TTC39B: variants seen among roughly 807,000 people sequenced by gnomAD.
TTC39B encodes the protein tetratricopeptide repeat domain 39B, also known as tetratricopeptide repeat protein 39B.
In TTC39B, 92 loss-of-function variants were observed where a neutral mutation model predicts 96.6. That is an observed-to-expected ratio of 0.95 (90% CI 0.80 to 1.13). TTC39B has a LOEUF of 1.13. Ranked by LOEUF, TTC39B falls within the 50% of genes most tolerant of loss-of-function variation. The probability of loss-of-function intolerance (pLI) is 0.00; values close to 1 mark genes in which losing one functional copy is unlikely to be tolerated. For synonymous variants in TTC39B, 367 were observed against 299.4 expected, an observed-to-expected ratio of 1.23 and a Z score of -2.33; for missense variants, 955 against 809.3, an observed-to-expected ratio of 1.18 and a Z score of -2.18.
intron 2 of TTC39B, among the ~76,000 whole-genome samples, chr9:15,254,820 T>A (rs978498749): frequency 3.5e-5 from 5 of 141,182 alleles, no homozygotes; most frequent in Non-Finnish European, 7.5e-5. Context: ...CTGACACACA[T>A]AACTTTATAC....
At chr9:15,251,761 C>T (rs1362205760) in intron 2 of TTC39B, among the ~76,000 whole-genome samples, 3 of 132,532 alleles carry the variant, frequency 2.3e-5, no homozygotes, top group African/African-American at 8.0e-5. Flanking sequence ...GGGGACAAGA[C>T]AGCTAAATGT....
At chr9:15,301,301 A>G (rs1309592167) in intron 1 of TTC39B, among the ~76,000 whole-genome samples, 1 of 152,104 alleles carries the variant, frequency 6.6e-6, no homozygotes, top group African/African-American at 2.4e-5. Flanking sequence ...CCTAAAACCT[A>G]CCCTAACCCA....
chr9:15,293,734 A>G (rs1824273254), intron 1 of TTC39B, among the ~76,000 whole-genome samples: 1 of 152,210 alleles, frequency 6.6e-6, no homozygotes, highest in Admixed American at 6.5e-5. Context: ...CTCCTTACAT[A>G]TTTTAAGTTT....
chr9:15,164,480 G>A (rs1324925524), exon 20 of TTC39B: 3 of 151,988 alleles, frequency 2.0e-5, no homozygotes, highest in Non-Finnish European at 4.4e-5. Flanking sequence ...CCACAAGACA[G>A]GTTTATTTTG....
At chr9:15,171,056 G>A (rs1435879911) in exon 20 of TTC39B, 1 of 152,170 alleles carries the variant, frequency 6.6e-6, no homozygotes, top group Non-Finnish European at 1.5e-5. Flanking sequence ...CATATGGAGT[G>A]TCAAGCTCTC....
chr9:15,175,577 T>C lies in TTC39B; in HGVS notation c.1842-442A>G, dbSNP rs544198894. ...AATAAAGAAATGGTCAACACTTCTGTTTTCAGCACTATTAGGAGAACTCTC... is the reference window on the plus strand; with the variant it reads ...AATAAAGAAATGGTCAACACTTCTGCTTTCAGCACTATTAGGAGAACTCTC... On this transcript the variant is annotated intron_variant, in intron 18 of 19. Transcript: ENST00000512701. Among the ~76,000 whole-genome samples the C allele has an allele frequency of 4.6e-5, 7 of 152,270 alleles. No homozygotes were observed. In the East Asian group the frequency reaches 7.7e-4, roughly 17 times the overall value.
intron 16 of TTC39B, 67 bp downstream of exon 16, chr9:15,185,213 T>C: frequency 6.6e-7 from 1 of 1,518,964 alleles, no homozygotes; most frequent in Non-Finnish European, 8.8e-7. Flanking sequence ...CAAATTTAGA[T>C]ATGCTCCCTG....
chr9:15,234,070 C>T lies in TTC39B; in HGVS notation c.276-8058G>A, dbSNP rs1223211516. Among the ~76,000 whole-genome samples the T allele has an allele frequency of 2.7e-5, 4 of 149,722 alleles. No homozygotes were observed. In the East Asian group the frequency reaches 7.9e-4, roughly 30 times the overall value. On this transcript the variant is annotated intron_variant, in intron 2 of 19. Transcript: ENST00000512701. The stretch of plus-strand genomic sequence containing the variant: ...GCCCCGTCTGGGATGTGAGGAGCGC[C>T]TCTGCCCGGCCGCGACCCCATCTGG...
intron 17 of TTC39B, 43 bp from the exon 18 acceptor site, chr9:15,177,857 A>G: frequency 2.5e-6 from 3 of 1,190,422 alleles, no homozygotes; most frequent in East Asian, 2.5e-5. Context: ...AAAGAAAAAT[A>G]CTTTTTAAGA....
exon 20 of TTC39B, chr9:15,166,956 G>A (rs1321450983): frequency 9.5e-6 from 1 of 105,160 alleles, no homozygotes; most frequent in Non-Finnish European, 1.8e-5. Context: ...CTCTAAATGG[G>A]TAACATGTGT....
chr9:15,219,047 C>T (rs993367260), intron 3 of TTC39B, among the ~76,000 whole-genome samples: 9 of 152,212 alleles, frequency 5.9e-5, no homozygotes, highest in African/African-American at 1.9e-4. Flanking sequence ...ATTACTTTTA[C>T]AATGAAAAAC....
intron 14 of TTC39B, 123 bp downstream of exon 14, chr9:15,187,848 T>C: frequency 1.9e-6 from 2 of 1,040,224 alleles, no homozygotes; most frequent in Non-Finnish European, 2.7e-6. Flanking sequence ...TTTCCTCCTT[T>C]TGTGGATCTC....
chr9:15,273,250 C>A (rs1186293600), intron 1 of TTC39B, among the ~76,000 whole-genome samples: 1 of 152,170 alleles, frequency 6.6e-6, no homozygotes, highest in African/African-American at 2.4e-5. Context: ...TGTCAATACT[C>A]TCCATTAACT....
intron 1 of TTC39B, among the ~76,000 whole-genome samples, chr9:15,288,798 G>A (rs1333514514): frequency 1.3e-5 from 2 of 152,212 alleles, no homozygotes; most frequent in East Asian, 1.9e-4. Context: ...CCGTGAGGCC[G>A]GAGCCCAGGG....
intron 9 of TTC39B, among the ~76,000 whole-genome samples, chr9:15,192,342 C>G (rs1277592622): frequency 6.6e-6 from 1 of 152,070 alleles, no homozygotes; most frequent in East Asian, 1.9e-4. Context: ...TCCTTGTTAC[C>G]AAAAACCTTA....
At chr9:15,238,006 C>G (rs1204152461) in intron 2 of TTC39B, among the ~76,000 whole-genome samples, 2 of 152,058 alleles carry the variant, frequency 1.3e-5, no homozygotes, top group Admixed American at 6.6e-5. Flanking sequence ...AAACTAAAAA[C>G]AAAAACCGTA....
intron 2 of TTC39B, among the ~76,000 whole-genome samples, chr9:15,252,272 AAT>A (rs1430586086): frequency 3.2e-4 from 48 of 152,356 alleles, no homozygotes; most frequent in African/African-American, 1.1e-3. Context: ...TTTTGTGGAT[AAT>A]ATGTAACATG....
chr9:15,203,778 G>T lies in TTC39B; in HGVS notation c.759+45C>A, dbSNP rs187986065. 1.4e-4 allele frequency: 211 copies of T among 1,530,294 alleles called. No homozygotes were observed. In the African/African-American group the frequency reaches 2.8e-3, roughly 20 times the overall value. 94.8% of individuals were successfully genotyped at this position (1,530,294 alleles called of 1,614,324 possible). A position where few individuals can be genotyped will look rare whatever the true frequency, so the allele number is the denominator to read the frequency against. ...CACCACATTTTTCTATGCAGCACTGGCAGTCTTCCCAGCCAATACGAATTC... is the reference window on the plus strand; with the variant it reads ...CACCACATTTTTCTATGCAGCACTGTCAGTCTTCCCAGCCAATACGAATTC... On this transcript the variant is annotated intron_variant, in intron 7 of 19. Coordinates refer to ENST00000512701, the Ensembl canonical transcript of TTC39B.
chr9:15,274,986 T>A (rs1823485628), intron 1 of TTC39B, among the ~76,000 whole-genome samples: 1 of 152,092 alleles, frequency 6.6e-6, no homozygotes, highest in African/African-American at 2.4e-5. Flanking sequence ...ATTAATATAG[T>A]TCCCTGGTTG....
Sources: allele counts gnomAD v4.1 joint callset (sites outside exome capture counted in the v4.1 genomes callset), GRCh38; gene constraint gnomAD v4.1.1; transcripts MANE v1.5; gene names NCBI Gene and HGNC (gene_info 2026-07-23, HGNC 2026-07-21).